The following TRRAP variants were observed in gnomAD, a reference collection of about 807,000 sequenced individuals.
The protein encoded by TRRAP is transformation/transcription domain associated protein, also known as transformation/transcription domain-associated protein.
A neutral mutation model predicts 438.8 loss-of-function variants in TRRAP; 41 were observed. The ratio of observed to expected loss-of-function variants is 0.09; its 90% CI spans 0.07 to 0.12. The LOEUF is 0.12. TRRAP is among the 10% of genes least tolerant of loss of function. The pLI, the probability that TRRAP is intolerant of heterozygous loss-of-function variation, is 1.00. For synonymous variants in TRRAP, 1,994 were observed against 1,962.9 expected, an observed-to-expected ratio of 1.02 and a Z score of -0.42; for missense variants, 3,122 against 5,055.1, an observed-to-expected ratio of 0.62 and a Z score of 11.60.
chr7:98,941,156 A>C (rs931656387), intron 30 of TRRAP, among the ~76,000 whole-genome samples: 2 of 152,056 alleles, frequency 1.3e-5, no homozygotes, highest in African/African-American at 2.4e-5. Context: ...TATGATTATT[A>C]AGTCTTTTAT....
At chr7:98,913,258 A>T (rs1158428999) in intron 18 of TRRAP, among the ~76,000 whole-genome samples, 1 of 151,922 alleles carries the variant, frequency 6.6e-6, no homozygotes, top group Non-Finnish European at 1.5e-5. Flanking sequence ...AGTTACATCA[A>T]CAGTTGTCCA....
chr7:98,943,104 C>G, intron 31 of TRRAP, 87 bp downstream of exon 31: 1 of 1,398,144 alleles, frequency 7.2e-7, no homozygotes, highest in Non-Finnish European at 1.0e-6. Flanking sequence ...ATTAAAATGC[C>G]GGTCAGAAAC....
chr7:98,967,920 A>G (rs1044706538), intron 51 of TRRAP, among the ~76,000 whole-genome samples: 12 of 152,178 alleles, frequency 7.9e-5, no homozygotes, highest in African/African-American at 2.9e-4. Context: ...TGAATAGTAT[A>G]TTTTTGTAGG....
At chr7:98,979,467 CT>C (rs1281970296) in intron 58 of TRRAP, among the ~76,000 whole-genome samples, 3 of 152,162 alleles carry the variant, frequency 2.0e-5, no homozygotes, top group Non-Finnish European at 4.4e-5. Context: ...AGAAAAAGCT[CT>C]GTACATGCTT....
At chr7:98,987,666 C>G (rs1007316695) in intron 62 of TRRAP, among the ~76,000 whole-genome samples, 1 of 152,122 alleles carries the variant, frequency 6.6e-6, no homozygotes, top group East Asian at 1.9e-4. Flanking sequence ...AATAAGGATG[C>G]CTTTTATTTC....
At chr7:98,891,287 C>G (rs1554404832) in intron 4 of TRRAP, among the ~76,000 whole-genome samples, 1 of 147,806 alleles carries the variant, frequency 6.8e-6, no homozygotes, top group Non-Finnish European at 1.5e-5. Context: ...ACTCAGCTCA[C>G]TGCAACCTCT....
chr7:98,933,504 C>T lies in TRRAP; in HGVS notation c.4014+102C>T, dbSNP rs79546022. On this transcript the variant is annotated intron_variant, in intron 27 of 72. Transcript: ENST00000456197. ...GGTCAGGCAGCATTCAGAGAAGGCT[C>T]GGGCGGGGACCTGCAGGTAACCCAC... The T allele has an allele frequency of 1.0e-3, 1,463 of 1,461,552 alleles. 7 individuals are homozygous for T. The African/African-American group carries it at 0.017, about 17-fold the overall frequency. The allele number at this position is 1,461,552 out of a possible 1,614,324, so 90.5% of individuals were successfully genotyped here. A position where few individuals can be genotyped will look rare whatever the true frequency, so the allele number is the denominator to read the frequency against.
chr7:99,009,297 G>C (rs1794329209), intron 70 of TRRAP, among the ~76,000 whole-genome samples: 1 of 152,178 alleles, frequency 6.6e-6, no homozygotes, highest in South Asian at 2.1e-4. Context: ...AAGAAGGAGA[G>C]ACCACAGAGG....
intron 4 of TRRAP, 43 bp from the exon 5 acceptor site, chr7:98,892,381 G>A: frequency 6.7e-7 from 1 of 1,493,348 alleles, no homozygotes; most frequent in Non-Finnish European, 9.3e-7. Context: ...TGGAACCCTT[G>A]GAAGTATTTT....
intron 16 of TRRAP, 147 bp from the exon 17 acceptor site, chr7:98,910,927 AAGG>A (rs1789238232): frequency 4.7e-6 from 3 of 636,166 alleles, no homozygotes; most frequent in Non-Finnish European, 7.2e-6. Context: ...TAAGGTGAGA[AAGG>A]AGAATTTAAA....
intron 51 of TRRAP, among the ~76,000 whole-genome samples, chr7:98,968,555 A>G (rs1792263698): frequency 6.6e-6 from 1 of 152,216 alleles, no homozygotes; most frequent in Non-Finnish European, 1.5e-5. Context: ...CTAGAGTTTC[A>G]GCCTGTGGCT....
rs1554412960 is a variant in TRRAP at position 98,931,656 on chromosome 7, C to T, written c.3843C>T (p.Pro1281=). ...AGAGTGTCACGGTGATCATGGAACC[C>T]CACAAAGAGGTGAGATTTCTGTCAC... ...TGKSVTVIME[P]HKEVLQDMVP... The change falls in exon 26 of 73, where the codon CCC becomes CCT. Residue 1281 remains proline, a synonymous_variant. Transcript: ENST00000456197. 1 of 1,611,356 alleles carries T rather than the reference C, an allele frequency of 6.2e-7. No homozygotes were observed. The highest frequency in any genetic ancestry group is 1.7e-5 in the Admixed American group (1 of 59,968).
chr7:98,924,689 A>T (rs1789955068), intron 21 of TRRAP, among the ~76,000 whole-genome samples: 4 of 4,322 alleles, frequency 9.3e-4, no homozygotes, highest in Non-Finnish European at 1.3e-3. Flanking sequence ...ACTCCGTCTC[A>T]AAAAAAAAAA....
chr7:98,922,047 A>C, intron 21 of TRRAP, 94 bp downstream of exon 21: 1 of 1,514,670 alleles, frequency 6.6e-7, no homozygotes, highest in Non-Finnish European at 9.0e-7. Flanking sequence ...TGTCTTAGGC[A>C]ATCTCTGAGT....
intron 30 of TRRAP, among the ~76,000 whole-genome samples, chr7:98,940,740 G>A (rs887510281): frequency 1.3e-5 from 2 of 152,188 alleles, no homozygotes; most frequent in South Asian, 2.1e-4. Context: ...TGGACTTAAC[G>A]TTGACGGTGC....
chr7:98,992,854 A>G (rs1793490712), intron 65 of TRRAP, among the ~76,000 whole-genome samples: 2 of 152,126 alleles, frequency 1.3e-5, no homozygotes, highest in South Asian at 2.1e-4. Flanking sequence ...GAGGCGGTGG[A>G]TGAGGGCTGC....
chr7:98,890,574 C>T (rs1202942558), intron 4 of TRRAP, 129 bp downstream of exon 4: 8 of 631,258 alleles, frequency 1.3e-5, no homozygotes, highest in East Asian at 3.0e-5. Flanking sequence ...TAACTTTGTT[C>T]AAGACCGCTG....
intron 67 of TRRAP, chr7:98,999,970 G>C (rs895210712): frequency 4.7e-6 from 1 of 212,882 alleles, no homozygotes; most frequent in Admixed American, 5.9e-5. Context: ...AGAAAAAAAG[G>C]ATGTCAGCAC....
chr7:98,935,695 C>T lies in TRRAP; in HGVS notation c.4111+20C>T, dbSNP rs781853875. On this transcript the variant is annotated intron_variant, in intron 28 of 72. Coordinates refer to ENST00000456197, the MANE Select transcript of TRRAP (RefSeq NM_001375524.1). ...CATTAAGTAAGTTAATGAAAATCTA[C>T]GGGGTATAAAAGTGAAAGGAGACTG... is the stretch of plus-strand genomic sequence containing the variant. 17 of 1,571,408 alleles carry T rather than the reference C, an allele frequency of 1.1e-5. No individual in the cohort carries two copies. The highest frequency in any genetic ancestry group is 3.4e-5 in the Admixed American group (2 of 59,312).
Sources: gnomAD v4.1 joint callset for allele counts (sites outside exome capture counted in the v4.1 genomes callset) on GRCh38, gnomAD v4.1.1 for gene constraint, MANE v1.5 for transcripts, NCBI Gene and HGNC (gene_info 2026-07-23, HGNC 2026-07-21) for gene names.